Variants in PPM1H observed in about 807,000 individuals in gnomAD.
PPM1H encodes the protein protein phosphatase, Mg2+/Mn2+ dependent 1H, also known as protein phosphatase 1H.
A neutral mutation model predicts 54.9 loss-of-function variants in PPM1H; 27 were observed. The ratio of observed to expected loss-of-function variants is 0.49; its 90% CI spans 0.36 to 0.68. The LOEUF (loss-of-function observed/expected upper bound fraction) is 0.68, where lower values mean the gene tolerates loss of function less well. PPM1H is among the 30% of genes least tolerant of loss of function. PPM1H has a pLI of 0.00. For synonymous variants in PPM1H, 305 were observed against 270.8 expected (o/e 1.13, Z -1.24); for missense variants, 596 against 667.8 (o/e 0.89, Z 1.19).
At chr12:62,801,228 T>C (rs954602680) in intron 3 of PPM1H, among the ~76,000 whole-genome samples, 2 of 152,190 alleles carry the variant, frequency 1.3e-5, no homozygotes, top group African/African-American at 4.8e-5. Flanking sequence ...TCGTACCAGC[T>C]GGCATCAATA....
At chr12:62,756,152 G>A (rs1315535165) in intron 4 of PPM1H, 2 of 841,688 alleles carry the variant, frequency 2.4e-6, no homozygotes, top group East Asian at 2.5e-5. Flanking sequence ...ACTTTGTCAA[G>A]CTCATTTCCT....
At chr12:62,685,800 T>C (rs1592542428) in intron 8 of PPM1H, among the ~76,000 whole-genome samples, 1 of 152,328 alleles carries the variant, frequency 6.6e-6, no homozygotes, top group South Asian at 2.1e-4. Flanking sequence ...ATGATAAGTA[T>C]ATGAAGTGAT....
chr12:62,828,728 T>C (rs1868316880), intron 2 of PPM1H, among the ~76,000 whole-genome samples: 1 of 152,206 alleles, frequency 6.6e-6, no homozygotes, highest in Non-Finnish European at 1.5e-5. Context: ...GTTTTCAAAT[T>C]TTTAAAAAGC....
intron 4 of PPM1H, among the ~76,000 whole-genome samples, chr12:62,770,605 A>G (rs1361607637): frequency 6.6e-6 from 1 of 152,094 alleles, no homozygotes; most frequent in African/African-American, 2.4e-5. Flanking sequence ...ATTTGGAAGG[A>G]CCATGTGTCT....
intron 1 of PPM1H, among the ~76,000 whole-genome samples, chr12:62,867,357 T>G (rs930487543): frequency 1.3e-5 from 2 of 152,136 alleles, no homozygotes; most frequent in Non-Finnish European, 2.9e-5. Context: ...GCAATGGTCC[T>G]TCAAACTTTG....
chr12:62,778,703 C>T (rs2076624593), intron 4 of PPM1H, among the ~76,000 whole-genome samples: 1 of 152,166 alleles, frequency 6.6e-6, no homozygotes, highest in Admixed American at 6.5e-5. Context: ...ATAATCCTAA[C>T]ACTTTGGGAG....
At chr12:62,920,955 C>CA (rs1341503262) in intron 1 of PPM1H, among the ~76,000 whole-genome samples, 1 of 152,018 alleles carries the variant, frequency 6.6e-6, no homozygotes, top group East Asian at 1.9e-4. Context: ...GACAGAGTCT[C>CA]ACTCTGTCGC....
chr12:62,723,155 T>C (rs1490712468), intron 5 of PPM1H, among the ~76,000 whole-genome samples: 2 of 152,174 alleles, frequency 1.3e-5, no homozygotes, highest in Non-Finnish European at 2.9e-5. Flanking sequence ...GGTGGCTGAC[T>C]AGGAGCTGCT....
intron 6 of PPM1H, among the ~76,000 whole-genome samples, chr12:62,704,443 T>C (rs967129176): frequency 2.0e-5 from 3 of 152,218 alleles, no homozygotes; most frequent in Non-Finnish European, 2.9e-5. Context: ...TTTCAGTAGG[T>C]ATCTGAATGA....
chr12:62,805,190 G>T (rs2076799436), intron 2 of PPM1H, among the ~76,000 whole-genome samples: 1 of 152,012 alleles, frequency 6.6e-6, no homozygotes, highest in Non-Finnish European at 1.5e-5. Context: ...TGTTAGGATC[G>T]CTATTATCAA....
rs1052604259 is a variant in PPM1H at position 62,782,899 on chromosome 12, C to T, written c.869+5327G>A. On this transcript the variant is annotated intron_variant, in intron 4 of 9. Coordinates refer to ENST00000228705, the MANE Select transcript of PPM1H (RefSeq NM_020700.2). ...CTGGAGTGCAGTGGTGTGATCACGG[C>T]TCACTGCAGCCTTGACATCTCTGGG... Among the ~76,000 whole-genome samples the T allele has an allele frequency of 6.6e-5, 10 of 152,252 alleles. 1 individual carries two copies. The South Asian group carries it at 2.1e-3, about 32-fold the overall frequency.
At chr12:62,653,486 C>A (rs1221247760) in intron 9 of PPM1H, among the ~76,000 whole-genome samples, 1 of 152,182 alleles carries the variant, frequency 6.6e-6, no homozygotes, top group Non-Finnish European at 1.5e-5. Flanking sequence ...GTCCAAAGAA[C>A]CAAATTGACC....
At chr12:62,723,360 TA>T (rs950246246) in intron 5 of PPM1H, among the ~76,000 whole-genome samples, 80 of 146,726 alleles carry the variant, frequency 5.5e-4, no homozygotes, top group South Asian at 4.1e-3. Flanking sequence ...CTGCCCTGAT[TA>T]AAAAAAAAAA....
At chr12:62,745,094 A>G (rs1482408444) in intron 4 of PPM1H, among the ~76,000 whole-genome samples, 1 of 152,224 alleles carries the variant, frequency 6.6e-6, no homozygotes, top group Non-Finnish European at 1.5e-5. Context: ...TCATTGTCCT[A>G]ACTGACCACC....
intron 5 of PPM1H, among the ~76,000 whole-genome samples, chr12:62,734,975 T>C (rs2076342978): frequency 6.6e-6 from 1 of 151,946 alleles, no homozygotes; most frequent in Non-Finnish European, 1.5e-5. Flanking sequence ...GCCTAGGAGG[T>C]TGAGGCCACA....
chr12:62,738,140 C>A (rs921773974), intron 4 of PPM1H, among the ~76,000 whole-genome samples: 2 of 152,118 alleles, frequency 1.3e-5, no homozygotes, highest in Admixed American at 1.3e-4. Context: ...ATGTATTTGA[C>A]AGTGCAGCTC....
chr12:62,685,027 G>A (rs532327798), intron 8 of PPM1H, among the ~76,000 whole-genome samples: 183 of 151,564 alleles, frequency 1.2e-3, no homozygotes, highest in Non-Finnish European at 1.9e-3. Flanking sequence ...CCCTCCCCCC[G>A]CCACCCCTTC....
intron 5 of PPM1H, among the ~76,000 whole-genome samples, chr12:62,730,402 A>G (rs1415767723): frequency 6.6e-6 from 1 of 152,210 alleles, no homozygotes; most frequent in Non-Finnish European, 1.5e-5. Flanking sequence ...GAGACTGCCA[A>G]ACTCTTTTTC....
At chr12:62,686,780 C>T (rs1162144834) in intron 8 of PPM1H, among the ~76,000 whole-genome samples, 1 of 152,198 alleles carries the variant, frequency 6.6e-6, no homozygotes, top group Non-Finnish European at 1.5e-5. Flanking sequence ...ATGTGTGTAT[C>T]TTCCATGCCC....
Sources: allele counts gnomAD v4.1 joint callset (sites outside exome capture counted in the v4.1 genomes callset), GRCh38; gene constraint gnomAD v4.1.1; transcripts MANE v1.5; gene names NCBI Gene and HGNC (gene_info 2026-07-23, HGNC 2026-07-21).